OTUD7A: variants seen among roughly 807,000 people sequenced by gnomAD.
OTUD7A encodes the protein OTU domain-containing protein 7A.
In OTUD7A, 12 loss-of-function variants were observed where a neutral mutation model predicts 65.7. The observed-to-expected ratio is 0.18, with a 90% CI of 0.12 to 0.30. The LOEUF is 0.30. Among genes scored for constraint, OTUD7A ranks in the 10% least tolerant of loss-of-function variants. The probability of loss-of-function intolerance (pLI) is 1.00; values close to 1 mark genes in which losing one functional copy is unlikely to be tolerated. For missense variants in OTUD7A, 1,148 were observed against 1,304.8 expected, an observed-to-expected ratio of 0.88 and a Z score of 1.85; for synonymous variants, 641 against 586.3, an observed-to-expected ratio of 1.09 and a Z score of -1.35.
intron 3 of OTUD7A, among the ~76,000 whole-genome samples, chr15:31,599,326 T>C (rs1216204665): frequency 6.6e-6 from 1 of 152,084 alleles, no homozygotes; most frequent in Non-Finnish European, 1.5e-5. Context: ...CAGCAATCTT[T>C]GCTATTCTGC....
At chr15:31,721,636 C>G (rs1317848871) in intron 1 of OTUD7A, among the ~76,000 whole-genome samples, 1 of 151,996 alleles carries the variant, frequency 6.6e-6, no homozygotes, top group African/African-American at 2.4e-5. Context: ...TTGAGAAAGA[C>G]ATTAAGAACT....
intron 1 of OTUD7A, among the ~76,000 whole-genome samples, chr15:31,677,318 T>C (rs1892616094): frequency 6.6e-6 from 1 of 152,182 alleles, no homozygotes; most frequent in Non-Finnish European, 1.5e-5. Context: ...TGTGTTAAAG[T>C]GCTGAGATTT....
At chr15:31,759,243 A>G (rs1211151051) in intron 1 of OTUD7A, among the ~76,000 whole-genome samples, 1 of 152,220 alleles carries the variant, frequency 6.6e-6, no homozygotes, top group Admixed American at 6.5e-5. Flanking sequence ...TTTAAAAGAC[A>G]CTAATGCTCA....
At chr15:31,622,316 G>A (rs531539623) in intron 3 of OTUD7A, among the ~76,000 whole-genome samples, 2 of 152,248 alleles carry the variant, frequency 1.3e-5, no homozygotes, top group African/African-American at 4.8e-5. Context: ...GGCCTGCCTT[G>A]CTAGGTTGGG....
intron 1 of OTUD7A, among the ~76,000 whole-genome samples, chr15:31,811,490 T>C (rs1323972746): frequency 1.3e-5 from 2 of 152,054 alleles, no homozygotes; most frequent in South Asian, 2.1e-4. Context: ...TGTAGCGTGA[T>C]GTGTATGTAA....
chr15:31,661,926 A>T (rs868107547), intron 1 of OTUD7A, among the ~76,000 whole-genome samples: 4 of 151,782 alleles, frequency 2.6e-5, no homozygotes, highest in Non-Finnish European at 4.4e-5. Context: ...TTATATATAT[A>T]TTTTTCTCTA....
At position 31,765,642 on chromosome 15, in the gene OTUD7A, G is replaced by A. The variant is rs945563920; in HGVS notation, c.-100+104865C>T. On this transcript the variant is annotated intron_variant, in intron 1 of 12. Coordinates refer to ENST00000307050, the MANE Select transcript of OTUD7A (RefSeq NM_001382637.1). Reference sequence around the variant, plus strand: ...CTACCTTACATAATGTGTTTATTTAGAAATACCTTATTAATGACAGACTTC... The same window carrying A: ...CTACCTTACATAATGTGTTTATTTAAAAATACCTTATTAATGACAGACTTC... 9.3e-6 allele frequency: 6 copies of A among 647,486 alleles called. No homozygotes were observed. The African/African-American group carries it at 1.1e-4, about 12-fold the overall frequency. 40.1% of individuals were successfully genotyped at this position (647,486 alleles called of 1,614,324 possible).
At chr15:31,848,201 G>C (rs1897332303) in intron 1 of OTUD7A, among the ~76,000 whole-genome samples, 1 of 152,176 alleles carries the variant, frequency 6.6e-6, no homozygotes, top group Non-Finnish European at 1.5e-5. Flanking sequence ...GGAAAGGCAG[G>C]GAAAGGCTTT....
chr15:31,847,730 G>T (rs1200314009), intron 1 of OTUD7A, among the ~76,000 whole-genome samples: 2 of 152,168 alleles, frequency 1.3e-5, no homozygotes, highest in East Asian at 3.8e-4. Context: ...CTGAGACTGG[G>T]TAACTTATGA....
At position 31,483,115 on chromosome 15, in the gene OTUD7A, C is replaced by G; in HGVS notation, c.*179G>C. On this transcript the variant is annotated 3_prime_UTR_variant, in exon 13 of 13. Coordinates refer to ENST00000307050, the MANE Select transcript of OTUD7A (RefSeq NM_001382637.1). ...TGACTTGTTTCCTATCCGTCTACTA[C>G]CTGAGTGGCGTCAGTGTAGGTTCAG... 1 of 466,038 alleles carries G rather than the reference C, an allele frequency of 2.1e-6. No homozygotes were observed. The highest frequency in any genetic ancestry group is 2.9e-6 in the Non-Finnish European group (1 of 348,446). 28.9% of individuals were successfully genotyped at this position (466,038 alleles called of 1,614,324 possible). A position where few individuals can be genotyped will look rare whatever the true frequency, so the allele number is the denominator to read the frequency against.
chr15:31,646,319 G>GA (rs2141267461), intron 3 of OTUD7A, among the ~76,000 whole-genome samples: 1 of 152,276 alleles, frequency 6.6e-6, no homozygotes, highest in South Asian at 2.1e-4. Flanking sequence ...GGGGAATGGG[G>GA]AGGCTTTATC....
chr15:31,577,819 T>TAAAAAA (rs36055987), intron 3 of OTUD7A, among the ~76,000 whole-genome samples: 1 of 141,210 alleles, frequency 7.1e-6, no homozygotes, highest in Admixed American at 7.0e-5. Flanking sequence ...TTGATTCCAG[T>TAAAAAA]AAAAAAAAAA....
At chr15:31,715,550 T>C (rs968745232) in intron 1 of OTUD7A, among the ~76,000 whole-genome samples, 1 of 149,294 alleles carries the variant, frequency 6.7e-6, no homozygotes, top group Non-Finnish European at 1.5e-5. Context: ...GCACTACCAT[T>C]GTCTGTAATA....
chr15:31,588,335 T>A (rs992226724), intron 3 of OTUD7A, among the ~76,000 whole-genome samples: 1 of 152,160 alleles, frequency 6.6e-6, no homozygotes, highest in Non-Finnish European at 1.5e-5. Flanking sequence ...AAGCAACATA[T>A]TGACTACAGG....
intron 3 of OTUD7A, among the ~76,000 whole-genome samples, chr15:31,647,099 A>G (rs1350057443): frequency 6.6e-6 from 1 of 152,102 alleles, no homozygotes; most frequent in Non-Finnish European, 1.5e-5. Context: ...AGCTCTCTCT[A>G]GTGGGAACGG....
chr15:31,486,189 G>A (rs1284744184), intron 12 of OTUD7A, among the ~76,000 whole-genome samples: 2 of 152,188 alleles, frequency 1.3e-5, no homozygotes, highest in Non-Finnish European at 2.9e-5. Flanking sequence ...TACATCTCGA[G>A]CCACTGCCAT....
chr15:31,801,887 C>A (rs1896134189), intron 1 of OTUD7A, among the ~76,000 whole-genome samples: 1 of 151,928 alleles, frequency 6.6e-6, no homozygotes, highest in Admixed American at 6.6e-5. Context: ...ATCCAAAGAA[C>A]CATCATTCAC....
At chr15:31,547,696 C>A (rs1399705481) in intron 5 of OTUD7A, among the ~76,000 whole-genome samples, 2 of 152,052 alleles carry the variant, frequency 1.3e-5, no homozygotes, top group African/African-American at 2.4e-5. Context: ...CATTATGTAT[C>A]CCTGCATTTT....
At chr15:31,515,435 C>T (rs2041830511) in intron 8 of OTUD7A, among the ~76,000 whole-genome samples, 1 of 152,118 alleles carries the variant, frequency 6.6e-6, no homozygotes, top group South Asian at 2.1e-4. Flanking sequence ...AAAGCAGGGC[C>T]ATCATATTTC....
Sources: allele counts gnomAD v4.1 joint callset (sites outside exome capture counted in the v4.1 genomes callset), GRCh38; gene constraint gnomAD v4.1.1; transcripts MANE v1.5; gene names NCBI Gene and HGNC (gene_info 2026-07-23, HGNC 2026-07-21).